The following ADAM2 variants were observed in gnomAD, a reference collection of about 807,000 sequenced individuals.
ADAM2 encodes disintegrin and metalloproteinase domain-containing protein 2.
A neutral mutation model predicts 99.3 loss-of-function variants in ADAM2; 101 were observed. The observed-to-expected ratio is 1.02, with a 90% CI of 0.87 to 1.20. ADAM2 has a LOEUF of 1.20. ADAM2 is among the 50% of genes most tolerant of loss of function. The pLI, the probability that ADAM2 is intolerant of heterozygous loss-of-function variation, is 0.00. For synonymous variants in ADAM2, 323 were observed against 287.6 expected (o/e 1.12, Z -1.25); for missense variants, 948 against 878.7 (o/e 1.08, Z -1.00).
chr8:39,772,746 T>A (rs1406454177), intron 11 of ADAM2, among the ~76,000 whole-genome samples: 1 of 152,134 alleles, frequency 6.6e-6, no homozygotes, highest in African/African-American at 2.4e-5. Flanking sequence ...AAGAATGAAA[T>A]GTTCTAGTAA....
chr8:39,835,276 C>T (rs1805774944), intron 2 of ADAM2, among the ~76,000 whole-genome samples: 1 of 152,192 alleles, frequency 6.6e-6, no homozygotes, highest in African/African-American at 2.4e-5. Context: ...CTTAGCCTTT[C>T]ACATGTTGCA....
At chr8:39,805,587 A>T (rs1054047594) in intron 7 of ADAM2, among the ~76,000 whole-genome samples, 4 of 152,144 alleles carry the variant, frequency 2.6e-5, no homozygotes, top group Admixed American at 6.5e-5. Flanking sequence ...CTATGGTAAA[A>T]AATAATAATA....
At chr8:39,775,708 C>A (rs988036104) in intron 11 of ADAM2, among the ~76,000 whole-genome samples, 3 of 152,034 alleles carry the variant, frequency 2.0e-5, no homozygotes, top group African/African-American at 7.2e-5. Context: ...AATATTGGTG[C>A]AATAGATGTA....
intron 4 of ADAM2, among the ~76,000 whole-genome samples, chr8:39,824,274 C>CAAAAA (rs201545294): frequency 4.8e-5 from 4 of 83,492 alleles, no homozygotes; most frequent in African/African-American, 1.2e-4. Context: ...AACTCTATCT[C>CAAAAA]AAAAAAAAAA....
At chr8:39,767,130 G>A in intron 13 of ADAM2, 23 bp downstream of exon 13, 2 of 1,598,318 alleles carry the variant, frequency 1.3e-6, no homozygotes, top group East Asian at 2.2e-5. Flanking sequence ...AGGTAATATT[G>A]AAATTTTTCA....
chr8:39,788,323 A>G (rs1803563758), intron 8 of ADAM2, 72 bp from the exon 9 acceptor site: 1 of 966,620 alleles, frequency 1.0e-6, no homozygotes. Context: ...ATGTTTGAAA[A>G]CAAATTTATG....
chr8:39,834,656 C>T (rs978065360), intron 2 of ADAM2, among the ~76,000 whole-genome samples: 1 of 140,162 alleles, frequency 7.1e-6, no homozygotes, highest in Non-Finnish European at 1.5e-5. Context: ...ATCACTTGAA[C>T]CTTGGGAGGC....
chr8:39,810,892 AAC>A (rs1423064053), intron 6 of ADAM2, among the ~76,000 whole-genome samples: 10 of 152,194 alleles, frequency 6.6e-5, no homozygotes, highest in Non-Finnish European at 1.2e-4. Context: ...AGCAAGAGCA[AAC>A]ACATTCAAAA....
At chr8:39,831,696 A>T (rs117524821) in intron 3 of ADAM2, among the ~76,000 whole-genome samples, 78 of 152,300 alleles carry the variant, frequency 5.1e-4, no homozygotes, top group Non-Finnish European at 9.7e-4. Context: ...ATATTCTTGA[A>T]GAGTAGATTA....
chr8:39,837,265 T>C (rs909628345), intron 1 of ADAM2, 53 bp from the exon 2 acceptor site: 2 of 1,329,406 alleles, frequency 1.5e-6, no homozygotes, highest in African/African-American at 3.0e-5. Context: ...TTTCAGAGCG[T>C]GTTTTATGAG....
chr8:39,778,593 T>C (rs1040884180), intron 10 of ADAM2, among the ~76,000 whole-genome samples: 1 of 152,092 alleles, frequency 6.6e-6, no homozygotes, highest in Non-Finnish European at 1.5e-5. Flanking sequence ...TGCACATGGA[T>C]AAATACTCCA....
At chr8:39,782,282 A>G (rs1803266703) in intron 10 of ADAM2, among the ~76,000 whole-genome samples, 1 of 152,184 alleles carries the variant, frequency 6.6e-6, no homozygotes, top group African/African-American at 2.4e-5. Flanking sequence ...GTAGATTATA[A>G]TGATTGATTT....
At chr8:39,756,069 G>A (rs191401360) in intron 15 of ADAM2, among the ~76,000 whole-genome samples, 158 bp from the exon 16 acceptor site, 1 of 152,240 alleles carries the variant, frequency 6.6e-6, no homozygotes, top group East Asian at 1.9e-4. Context: ...TGCCTAAATT[G>A]CCAATAATAA....
In ADAM2 at chr8:39,821,180, T is replaced by TA; in HGVS notation, c.345-11_345-10insT. 1 of 1,537,832 alleles carries TA rather than the reference T, an allele frequency of 6.5e-7. No individual in the cohort carries two copies. Among genetic ancestry groups the TA allele is most frequent in the South Asian group, 1.3e-5 (1 of 79,620 alleles). On this transcript the variant is annotated splice_polypyrimidine_tract_variant and intron_variant, in intron 5 of 20. Transcript: ENST00000265708. ...AAACTGTAGTACGCCCCTAAAAATT[T>TA]CAAAAAAAAATTAATAAGTAAAACA... is the stretch of plus-strand genomic sequence containing the variant.
intron 7 of ADAM2, among the ~76,000 whole-genome samples, chr8:39,805,517 G>C (rs1298261779): frequency 6.6e-6 from 1 of 152,074 alleles, no homozygotes; most frequent in South Asian, 2.1e-4. Flanking sequence ...CAAGATTCTG[G>C]AAAATGACCA....
intron 16 of ADAM2, among the ~76,000 whole-genome samples, chr8:39,750,750 G>A (rs1262141957): frequency 1.3e-5 from 2 of 152,086 alleles, no homozygotes; most frequent in Non-Finnish European, 2.9e-5. Context: ...TCTCTTGCTG[G>A]TAGTTAAATC....
At chr8:39,818,934 CAG>C in intron 6 of ADAM2, among the ~76,000 whole-genome samples, 1 of 152,008 alleles carries the variant, frequency 6.6e-6, no homozygotes, top group East Asian at 1.9e-4. Context: ...TGCTCATGGA[CAG>C]AGTTAATATT....
chr8:39,830,475 C>T (rs964480548), intron 3 of ADAM2, among the ~76,000 whole-genome samples: 1 of 152,042 alleles, frequency 6.6e-6, no homozygotes, highest in African/African-American at 2.4e-5. Context: ...TATTTACTGT[C>T]TCCCCTTTGC....
chr8:39,831,430 T>A (rs111891258), intron 3 of ADAM2, among the ~76,000 whole-genome samples: 4 of 152,128 alleles, frequency 2.6e-5, no homozygotes, highest in African/African-American at 9.6e-5. Context: ...GATTAGAGGA[T>A]GGTGGAAGAT....
Sources: gnomAD v4.1 joint callset for allele counts (sites outside exome capture counted in the v4.1 genomes callset) on GRCh38, gnomAD v4.1.1 for gene constraint, MANE v1.5 for transcripts, NCBI Gene and HGNC (gene_info 2026-07-23, HGNC 2026-07-21) for gene names.